Variants in CAMKK1 observed in about 807,000 individuals in gnomAD.
The protein encoded by CAMKK1 is calcium/calmodulin-dependent protein kinase kinase 1.
CAMKK1 carries 20 observed loss-of-function variants against 63.5 expected under a neutral mutation model. That is an observed-to-expected ratio of 0.32 (90% confidence interval 0.22 to 0.46). The LOEUF is 0.46. Ranked by LOEUF, CAMKK1 falls within the 20% of genes least tolerant of loss-of-function variation. The probability of loss-of-function intolerance (pLI) is 1.00; values close to 1 mark genes in which losing one functional copy is unlikely to be tolerated. For missense variants in CAMKK1, 588 were observed against 658.1 expected, an observed-to-expected ratio of 0.89 and a Z score of 1.17; for synonymous variants, 253 against 269.0, an observed-to-expected ratio of 0.94 and a Z score of 0.58.
rs71155812 is a variant in CAMKK1 at position 3,871,333 on chromosome 17, GTTT to G, written c.1124+1218_1124+1220del. Among the ~76,000 whole-genome samples, 40 of 111,034 alleles carry G rather than the reference GTTT, an allele frequency of 3.6e-4. 1 individual carries two copies. The East Asian group carries it at 4.1e-3, about 11-fold the overall frequency. 72.8% of individuals were successfully genotyped at this position (111,034 alleles called of 152,430 possible). On this transcript the variant is annotated intron_variant, in intron 12 of 15. Coordinates refer to ENST00000348335, the MANE Select transcript of CAMKK1 (RefSeq NM_032294.3). ...TTTCTTTTTTTGTTTGTTGTTTTTT[GTTT>G]TTTTTTTTTTGTTTTTTTTTTTTTT...
intron 1 of CAMKK1, among the ~76,000 whole-genome samples, chr17:3,888,694 G>T (rs1339046046): frequency 6.6e-6 from 1 of 152,236 alleles, no homozygotes; most frequent in Non-Finnish European, 1.5e-5. Context: ...CGGGCGGAAG[G>T]CGGCCGCGAG....
chr17:3,872,627 A>C lies in CAMKK1; in HGVS notation c.1051T>G (p.Cys351Gly), dbSNP rs767020409. 6.2e-7 allele frequency: 1 copy of C among 1,613,538 alleles called. No homozygotes were observed. Among genetic ancestry groups the C allele is most frequent in the Non-Finnish European group, 8.5e-7 (1 of 1,179,452 alleles). ...AGGATGAAATCGTCGATGAATGGGC[A>C]CTGTGGGGTGGAGAGGCAGACAAAG... ...VTLYCFVYGK[C>G]PFIDDFILAL... Residue 351 changes from cysteine to glycine, a missense_variant and splice_region_variant, in exon 12 of 16, where the codon TGC becomes GGC. Coordinates refer to ENST00000348335, the MANE Select transcript of CAMKK1 (RefSeq NM_032294.3).
chr17:3,885,903 C>A (rs531998722), intron 1 of CAMKK1, among the ~76,000 whole-genome samples, 173 bp from the exon 2 acceptor site: 1 of 152,228 alleles, frequency 6.6e-6, no homozygotes, highest in South Asian at 2.1e-4. Context: ...GAATTCACAT[C>A]GGTTCTGCCG....
chr17:3,888,259 G>A (rs1017958161), intron 1 of CAMKK1, among the ~76,000 whole-genome samples: 1 of 152,190 alleles, frequency 6.6e-6, no homozygotes, highest in Non-Finnish European at 1.5e-5. Context: ...TCCAGCAAGA[G>A]GCCATCCTCC....
rs2055537241 is a variant in CAMKK1, at chr17:3,884,081, T to C, written c.409-144A>G. 4.8e-6 allele frequency: 4 copies of C among 833,706 alleles called. No homozygotes were observed. The Admixed American group carries it at 8.3e-5, about 17-fold the overall frequency. The allele number at this position is 833,706 out of a possible 1,614,324, so 51.6% of individuals were successfully genotyped here. A position where few individuals can be genotyped will look rare whatever the true frequency, so the allele number is the denominator to read the frequency against. On this transcript the variant is annotated intron_variant, in intron 3 of 15. Coordinates refer to ENST00000348335, the MANE Select transcript of CAMKK1 (RefSeq NM_032294.3). This position sits in a 1 kb window ranked among gnomAD's most constrained non-coding sequence, Gnocchi z 4.5. Reference sequence around the variant, plus strand: ...CCAGCTGGCTCACGGGCAAATATTGTAGCAGATGGGGAGGGGACTCCTGCG... The same window carrying C: ...CCAGCTGGCTCACGGGCAAATATTGCAGCAGATGGGGAGGGGACTCCTGCG...
Position 3,890,550 on chromosome 17 carries a change from G to A in CAMKK1, c.-44+2389C>T, listed in dbSNP as rs530881549. 1.9e-5 allele frequency: 14 copies of A among 730,358 alleles called. No individual in the cohort carries two copies. The highest frequency in any genetic ancestry group is 1.3e-4 in the Admixed American group (7 of 55,588). 45.2% of individuals were successfully genotyped at this position (730,358 alleles called of 1,614,324 possible). Reference sequence around the variant, plus strand: ...TCAACTCAGCATCTTCCCCAAACCTGCTCGTCCTCCTCTGTCTCCATTGCG... The same window carrying A: ...TCAACTCAGCATCTTCCCCAAACCTACTCGTCCTCCTCTGTCTCCATTGCG... On this transcript the variant is annotated intron_variant, in intron 1 of 15. Coordinates refer to ENST00000348335, the MANE Select transcript of CAMKK1 (RefSeq NM_032294.3). The surrounding 1 kb of genome is among the most constrained non-coding windows in gnomAD (Gnocchi z 6.5).
intron 14 of CAMKK1, among the ~76,000 whole-genome samples, chr17:3,867,047 G>C (rs995387881): frequency 6.6e-6 from 1 of 152,198 alleles, no homozygotes; most frequent in Non-Finnish European, 1.5e-5. Context: ...TCTAGTTGGG[G>C]GAGACAGGCG....
chr17:3,864,283 G>C (rs1039715552), intron 15 of CAMKK1, among the ~76,000 whole-genome samples: 1 of 151,260 alleles, frequency 6.6e-6, no homozygotes, highest in African/African-American at 2.4e-5. Flanking sequence ...GTCTCACTCT[G>C]TCGCCCAGGC....
chr17:3,868,118 C>T (rs2054630893), intron 14 of CAMKK1, among the ~76,000 whole-genome samples: 4 of 67,610 alleles, frequency 5.9e-5, no homozygotes, highest in Non-Finnish European at 8.1e-5. Context: ...CGCCGTCTAA[C>T]TGATACGTGG....
Position 3,871,635 on chromosome 17 carries a change from T to C in CAMKK1, c.1124+919A>G, listed in dbSNP as rs545810286. ...CCTCCCAAAGTGCTGGAATTACAGG[T>C]GTGAGCCGCCGCACCCGGCCTTATT... On this transcript the variant is annotated intron_variant, in intron 12 of 15. Transcript: ENST00000348335. Among the ~76,000 whole-genome samples the C allele has an allele frequency of 4.3e-3, 636 of 147,524 alleles. 3 individuals are homozygous for C. Among genetic ancestry groups the C allele is most frequent in the Middle Eastern group, 0.011 (3 of 278 alleles).
Position 3,882,248 on chromosome 17 carries a change from T to C in CAMKK1, c.685+280A>G, listed in dbSNP as rs532565320. 19 of 1,599,254 alleles carry C rather than the reference T, an allele frequency of 1.2e-5. No individual in the cohort carries two copies. The South Asian group carries it at 1.8e-4, about 15-fold the overall frequency. ...CTGGGAACCCATGCAGCCTGCTTCC[T>C]GCATCTACCTGAGCGCGCAGCCCAC... On this transcript the variant is annotated intron_variant, in intron 7 of 15. Coordinates refer to ENST00000348335, the MANE Select transcript of CAMKK1 (RefSeq NM_032294.3). This position sits in a 1 kb window ranked among gnomAD's most constrained non-coding sequence, Gnocchi z 4.3.
rs113893943 is a variant in CAMKK1 at position 3,868,102 on chromosome 17, A to T, written c.1341+1385T>A. On this transcript the variant is annotated intron_variant, in intron 14 of 15. Coordinates refer to ENST00000348335, the MANE Select transcript of CAMKK1 (RefSeq NM_032294.3). ...ACTGATACGTGGGCTCTGGGGGAGA[A>T]GCAGGCGCCGTCTAACTGATACGTG... is the stretch of plus-strand genomic sequence containing the variant. Among the ~76,000 whole-genome samples the T allele has an allele frequency of 1.0e-3, 63 of 62,312 alleles. 4 individuals carry two copies. The highest frequency in any genetic ancestry group is 2.5e-3 in the East Asian group (4 of 1,582). The allele number at this position is 62,312 out of a possible 152,430, so 40.9% of individuals were successfully genotyped here.
intron 1 of CAMKK1, among the ~76,000 whole-genome samples, chr17:3,888,208 C>G (rs1175164198): frequency 6.6e-6 from 1 of 152,130 alleles, no homozygotes; most frequent in East Asian, 1.9e-4. Flanking sequence ...CCACAGGCTG[C>G]CCGGGCCCAT....
At position 3,883,158 on chromosome 17, in the gene CAMKK1, C is replaced by T. The variant is rs1348275365; in HGVS notation, c.532G>A (p.Gly178Arg). The change falls in exon 6 of 16, where the codon GGG (glycine) becomes AGG (arginine). Residue 178 changes from glycine to arginine, a missense_variant. Gly to Arg is a moderately radical substitution (Grantham distance 125). Coordinates refer to ENST00000348335, the MANE Select transcript of CAMKK1 (RefSeq NM_032294.3). The surrounding 1 kb of genome is among the most constrained non-coding windows in gnomAD (Gnocchi z 4.7). ...GGTCCTCCCTGGGCAGCCTGGGACC[C>T]TCTCGGGGGAGGGCGACCTGTGACC... is the stretch of plus-strand genomic sequence containing the variant. ...YGFPRRPPPR[G>R]SQAAQGGPAK... 2 of 1,611,484 alleles carry T rather than the reference C, an allele frequency of 1.2e-6. No individual in the cohort carries two copies. Among genetic ancestry groups the T allele is most frequent in the African/African-American group, 1.3e-5 (1 of 74,930 alleles).
chr17:3,869,247 G>A (rs955587637), intron 14 of CAMKK1, among the ~76,000 whole-genome samples: 18 of 152,164 alleles, frequency 1.2e-4, no homozygotes, highest in Non-Finnish European at 1.8e-4. Flanking sequence ...GTGAGCCACC[G>A]CGCCCGGCCC....
At chr17:3,871,333 G>GTTTTTTT (rs71155812) in intron 12 of CAMKK1, among the ~76,000 whole-genome samples, 28 of 111,016 alleles carry the variant, frequency 2.5e-4, no homozygotes, top group East Asian at 8.7e-4. Flanking sequence ...GTTGTTTTTT[G>GTTTTTTT]TTTTTTTTTT....
At chr17:3,865,672 A>C in intron 15 of CAMKK1, 3 of 1,376,352 alleles carry the variant, frequency 2.2e-6, no homozygotes, top group East Asian at 2.7e-5. Context: ...CATCCCTGGA[A>C]GTGTGTGTGT....
At chr17:3,878,622 A>G (rs538816507) in intron 9 of CAMKK1, among the ~76,000 whole-genome samples, 19 of 152,218 alleles carry the variant, frequency 1.2e-4, no homozygotes, top group Non-Finnish European at 2.4e-4. Flanking sequence ...CATATGTGCA[A>G]AGAGAGTCTT....
chr17:3,868,023 G>A (rs1181066233), intron 14 of CAMKK1, among the ~76,000 whole-genome samples: 3 of 133,058 alleles, frequency 2.3e-5, no homozygotes, highest in Non-Finnish European at 4.9e-5. Flanking sequence ...TGGGGGAGAA[G>A]CAGGCGCCGT....
Sources: gnomAD v4.1 joint callset for allele counts (sites outside exome capture counted in the v4.1 genomes callset) on GRCh38, gnomAD v4.1.1 for gene constraint, Gnocchi (gnomAD v3.1) non-coding constraint, MANE v1.5 for transcripts, NCBI Gene and HGNC (gene_info 2026-07-23, HGNC 2026-07-21) for gene names.